Variants in SNX8 observed in about 807,000 individuals in gnomAD.
The protein encoded by SNX8 is sorting nexin 8.
In SNX8, 25 loss-of-function variants were observed where a neutral mutation model predicts 51.6. The observed-to-expected ratio is 0.48, with a 90% confidence interval of 0.35 to 0.68. The LOEUF (loss-of-function observed/expected upper bound fraction) is 0.68, where lower values mean the gene tolerates loss of function less well. SNX8 is among the 30% of genes least tolerant of loss of function. SNX8 has a pLI of 0.00. For synonymous variants in SNX8, 324 were observed against 277.0 expected, an observed-to-expected ratio of 1.17 and a Z score of -1.68; for missense variants, 695 against 624.0, an observed-to-expected ratio of 1.11 and a Z score of -1.21.
At position 2,349,950 on chromosome 7, in the gene SNX8, G is replaced by C. The variant is rs79173679; in HGVS notation, c.-66+4272C>G. Among the ~76,000 whole-genome samples, 1,386 of 152,160 alleles carry C rather than the reference G, an allele frequency of 9.1e-3. 32 individuals carry two copies. The highest frequency in any genetic ancestry group is 0.028 in the African/African-American group (1,142 of 41,510). On this transcript the variant is annotated intron_variant, in intron 1 of 5. Coordinates refer to the SNX8 transcript ENST00000435336. ...GTCTCAGTCCTCTCCAGCCCAGCAT[G>C]AGGCTCCCAGGCTACACCCGGAGCC...
chr7:2,254,781 C>A lies in SNX8; in HGVS notation c.*275G>T, dbSNP rs1365406445. 5.8e-6 allele frequency: 3 copies of A among 520,016 alleles called. No individual in the cohort carries two copies. The highest frequency in any genetic ancestry group is 1.0e-5 in the Non-Finnish European group (3 of 289,234). 32.2% of individuals were successfully genotyped at this position (520,016 alleles called of 1,614,324 possible). On this transcript the variant is annotated 3_prime_UTR_variant, in exon 11 of 11. Coordinates refer to ENST00000222990, the MANE Select transcript of SNX8 (RefSeq NM_013321.4). ...GAGATGAGAGATCCCTGCCTCCCCG[C>A]ACAGCTCTGGGTGTCAGGAGGAAAC...
intron 1 of SNX8, among the ~76,000 whole-genome samples, chr7:2,308,568 T>A (rs144511977): frequency 6.8e-6 from 1 of 147,956 alleles, no homozygotes; most frequent in East Asian, 2.0e-4. Flanking sequence ...CGGGGGAGAC[T>A]GAGGCAGGAG....
chr7:2,334,496 G>C (rs1778790646), intron 1 of SNX8, among the ~76,000 whole-genome samples: 1 of 152,060 alleles, frequency 6.6e-6, no homozygotes, highest in Non-Finnish European at 1.5e-5. Context: ...TCAGGAGTTG[G>C]AGACCAGCCT....
chr7:2,311,569 A>T, intron 1 of SNX8, among the ~76,000 whole-genome samples: 1 of 152,034 alleles, frequency 6.6e-6, no homozygotes, highest in Non-Finnish European at 1.5e-5. Context: ...CAGGGTCCCC[A>T]TCAACACACA....
At chr7:2,308,890 C>T (rs1284976264) in intron 1 of SNX8, among the ~76,000 whole-genome samples, 2 of 149,858 alleles carry the variant, frequency 1.3e-5, no homozygotes, top group South Asian at 2.1e-4. Context: ...CCCAGGTTAA[C>T]GCAATTCTCC....
intron 5 of SNX8, among the ~76,000 whole-genome samples, chr7:2,267,915 C>T (rs1483233070): frequency 8.8e-6 from 1 of 114,188 alleles, no homozygotes; most frequent in Non-Finnish European, 1.8e-5. Context: ...AGGAGCGTCT[C>T]TGCCCGGCCG....
intron 1 of SNX8, among the ~76,000 whole-genome samples, chr7:2,302,243 C>T (rs1033893295): frequency 6.6e-6 from 1 of 152,258 alleles, no homozygotes; most frequent in Non-Finnish European, 1.5e-5. Context: ...CCTGCGATTG[C>T]AGGCTCGCGC....
chr7:2,313,176 A>G (rs62442541), intron 1 of SNX8, among the ~76,000 whole-genome samples: 3 of 151,518 alleles, frequency 2.0e-5, no homozygotes, highest in East Asian at 2.0e-4. Flanking sequence ...TGAGATTACA[A>G]GCGTGAGCCA....
chr7:2,275,172 G>A lies in SNX8; in HGVS notation c.358C>T (p.Leu120Phe). The change falls in exon 3 of 11, where the codon CTC (leucine) becomes TTC (phenylalanine). Residue 120 changes from leucine to phenylalanine, a missense_variant. Leu to Phe is a conservative substitution (Grantham distance 22). Coordinates refer to ENST00000222990, the MANE Select transcript of SNX8 (RefSeq NM_013321.4). Reference sequence around the variant, plus strand: ...ATACGGTAGGGGAACTTGTGCAGGAGCATCTCCTGGAAGACCACGAAGTCA... The same window carrying A: ...ATACGGTAGGGGAACTTGTGCAGGAACATCTCCTGGAAGACCACGAAGTCA... ...YNDFVVFQEM[L>F]LHKFPYRMVP... The A allele has an allele frequency of 6.2e-7, 1 of 1,614,200 alleles. No homozygotes were observed. The highest frequency in any genetic ancestry group is 8.5e-7 in the Non-Finnish European group (1 of 1,180,006).
At position 2,264,364 on chromosome 7, in the gene SNX8, G is replaced by A; in HGVS notation, c.716C>T (p.Ala239Val). The A allele has an allele frequency of 6.2e-7, 1 of 1,612,818 alleles. No individual in the cohort carries two copies. The highest frequency in any genetic ancestry group is 8.5e-7 in the Non-Finnish European group (1 of 1,179,950). ...GATGGCCCGCGATGCGATCCGCTCG[G>A]CCCTGTCGCGAAGCTTGTGAAAGCT... ...YNSFHKLRDR[A>V]ERIASRAIDN... The change falls in exon 6 of 11, where the codon GCC (alanine) becomes GTC (valine). Residue 239 changes from alanine (A) to valine (V), a missense_variant. Physicochemically the swap from Ala to Val is moderately conservative, Grantham distance 64 (BLOSUM62 0). Transcript: ENST00000222990.
rs181151622 is a variant in SNX8, at chr7:2,284,176, C to T, written c.95-5871G>A. 1.6e-4 allele frequency among the ~76,000 whole-genome samples: 24 copies of T among 152,220 alleles called. No individual in the cohort carries two copies. In the South Asian group the frequency reaches 3.5e-3, roughly 22 times the overall value. ...AACTCCTGACCTCAGGTGATCCACC[C>T]GCCTCAGCCTCCTATAGTGCTGGGA... On this transcript the variant is annotated intron_variant, in intron 1 of 10. Coordinates refer to ENST00000222990, the MANE Select transcript of SNX8 (RefSeq NM_013321.4).
Position 2,341,990 on chromosome 7 carries a change from T to C in SNX8, c.-66+12232A>G, listed in dbSNP as rs942821903. On this transcript the variant is annotated intron_variant, in intron 1 of 5. Coordinates refer to the SNX8 transcript ENST00000435336. ...AAAATTAAAAATAGGCCGGGCCCGG[T>C]GGCTCACGCCTGTAATCCCAGCACT... Among the ~76,000 whole-genome samples the C allele has an allele frequency of 4.7e-5, 7 of 150,400 alleles. No homozygotes were observed. The East Asian group carries it at 1.4e-3, about 30-fold the overall frequency.
intron 7 of SNX8, among the ~76,000 whole-genome samples, chr7:2,258,258 C>T (rs1449286119): frequency 6.6e-6 from 1 of 152,090 alleles, no homozygotes; most frequent in Non-Finnish European, 1.5e-5. Context: ...CCTCGTGATC[C>T]GCCCGCCTCG....
chr7:2,327,187 C>T (rs538695820), intron 1 of SNX8, among the ~76,000 whole-genome samples: 2 of 152,144 alleles, frequency 1.3e-5, no homozygotes, highest in East Asian at 1.9e-4. Flanking sequence ...TGTCATCACA[C>T]AGCTGCCTTC....
chr7:2,317,182 G>C (rs923553295), upstream of SNX8, among the ~76,000 whole-genome samples: 1 of 149,938 alleles, frequency 6.7e-6, no homozygotes, highest in Admixed American at 6.7e-5. Flanking sequence ...AAAAGTGTGG[G>C]GTTTGGCATG....
intron 1 of SNX8, among the ~76,000 whole-genome samples, chr7:2,287,323 T>A (rs1352539368): frequency 6.6e-6 from 1 of 151,324 alleles, no homozygotes; most frequent in Non-Finnish European, 1.5e-5. Flanking sequence ...CTCACACCTG[T>A]AATTCCAGTA....
At chr7:2,333,212 C>G (rs1288211001) in intron 1 of SNX8, among the ~76,000 whole-genome samples, 3 of 151,918 alleles carry the variant, frequency 2.0e-5, no homozygotes, top group African/African-American at 7.2e-5. Context: ...CCGTACCCAG[C>G]CAAGCCCAGG....
chr7:2,317,276 TTTTTTTTTTTTTTTTTTTTTG>T (rs2115220355), upstream of SNX8, among the ~76,000 whole-genome samples: 2 of 100,830 alleles, frequency 2.0e-5, no homozygotes. Context: ...TTTTTTTTTT[TTTTTTTTTTTTTTTTTTTTTG>T]AGACAGAGTC....
chr7:2,275,092 GGCA>G lies in SNX8; in HGVS notation c.418+17_418+19del. The G allele has an allele frequency of 6.5e-7, 1 of 1,546,540 alleles. No homozygotes were observed. On this transcript the variant is annotated intron_variant, in intron 3 of 10. Transcript: ENST00000222990. ...GGGCTCGCTCCCTCCGCCCCCGGTG[GGCA>G]GCACGCCTGGCTTTACCTCCCAGCA...
Sources: allele counts gnomAD v4.1 joint callset (sites outside exome capture counted in the v4.1 genomes callset), GRCh38; gene constraint gnomAD v4.1.1; transcripts MANE v1.5; gene names NCBI Gene and HGNC (gene_info 2026-07-23, HGNC 2026-07-21).